Variants in SPTLC2 observed in about 807,000 individuals in gnomAD.
The protein encoded by SPTLC2 is serine palmitoyltransferase long chain base subunit 2.
SPTLC2 carries 21 observed loss-of-function variants against 62.0 expected under a neutral mutation model. The ratio of observed to expected loss-of-function variants is 0.34; its 90% CI spans 0.24 to 0.49. SPTLC2 has a LOEUF of 0.49. SPTLC2 is among the 20% of genes least tolerant of loss of function. SPTLC2 has a pLI of 0.99. For missense variants in SPTLC2, 511 were observed against 713.0 expected, an observed-to-expected ratio of 0.72 and a Z score of 3.23; for synonymous variants, 261 against 261.8, an observed-to-expected ratio of 1.00 and a Z score of 0.03.
chr14:77,576,717 A>AC, intron 4 of SPTLC2, 50 bp downstream of exon 4: 1 of 1,613,742 alleles, frequency 6.2e-7, no homozygotes, highest in Non-Finnish European at 8.5e-7. Context: ...TTTGCCCCTG[A>AC]CTAAAACAAT....
intron 1 of SPTLC2, among the ~76,000 whole-genome samples, chr14:77,603,435 C>A (rs545390103): frequency 2.0e-5 from 3 of 152,312 alleles, no homozygotes; most frequent in Non-Finnish European, 4.4e-5. Flanking sequence ...CTGAAATGTA[C>A]TGGCCTCTCC....
At chr14:77,591,480 T>TA (rs1312265391) in intron 2 of SPTLC2, among the ~76,000 whole-genome samples, 4 of 152,192 alleles carry the variant, frequency 2.6e-5, no homozygotes, top group African/African-American at 9.6e-5. Context: ...ACCTTTATGA[T>TA]ATGTCAATTA....
rs138037589 is a variant in SPTLC2 at position 77,601,706 on chromosome 14, G to A, written c.133-4326C>T. On this transcript the variant is annotated intron_variant, in intron 1 of 11. Transcript: ENST00000216484. ...CAACCAGCCCAAGGAACATCTCACC[G>A]ATTTTAAATCGGGTAAGCGGCCTCT... Among the ~76,000 whole-genome samples, 1,232 of 152,240 alleles carry A rather than the reference G, an allele frequency of 8.1e-3. 21 individuals are homozygous for A. Among genetic ancestry groups the A allele is most frequent in the African/African-American group, 0.028 (1,152 of 41,504 alleles).
chr14:77,515,371 T>C (rs1256241482), intron 11 of SPTLC2, among the ~76,000 whole-genome samples: 1 of 152,144 alleles, frequency 6.6e-6, no homozygotes, highest in Non-Finnish European at 1.5e-5. Flanking sequence ...GATCTGTAGG[T>C]TGCTATACTG....
At chr14:77,600,989 G>T (rs1397233866) in intron 1 of SPTLC2, among the ~76,000 whole-genome samples, 1 of 152,220 alleles carries the variant, frequency 6.6e-6, no homozygotes, top group East Asian at 1.9e-4. Flanking sequence ...TAAGCCATAT[G>T]TGTAATACAT....
intron 4 of SPTLC2, among the ~76,000 whole-genome samples, chr14:77,573,944 T>C (rs1421772054): frequency 6.6e-6 from 1 of 152,036 alleles, no homozygotes; most frequent in East Asian, 1.9e-4. Context: ...AAGACGACAA[T>C]GTTTGACACA....
chr14:77,586,093 T>TTTA (rs2079779849), intron 2 of SPTLC2, among the ~76,000 whole-genome samples: 1 of 141,560 alleles, frequency 7.1e-6, no homozygotes. Context: ...TTTTTTTTTT[T>TTTA]GAGATGGAGT....
chr14:77,552,805 T>TAA (rs58847640), intron 8 of SPTLC2, among the ~76,000 whole-genome samples: 7 of 130,978 alleles, frequency 5.3e-5, no homozygotes, highest in African/African-American at 1.7e-4. Context: ...GACTCCGTCT[T>TAA]AAAAAAAAAA....
chr14:77,532,856 A>T (rs1357148343), intron 9 of SPTLC2, among the ~76,000 whole-genome samples: 1 of 151,968 alleles, frequency 6.6e-6, no homozygotes, highest in Non-Finnish European at 1.5e-5. Flanking sequence ...CTTTTTTTGG[A>T]GGGCTATGGG....
chr14:77,595,046 G>A (rs1325990793), intron 2 of SPTLC2, among the ~76,000 whole-genome samples: 1 of 152,052 alleles, frequency 6.6e-6, no homozygotes, highest in African/African-American at 2.4e-5. Context: ...GACATGCTCA[G>A]GGGGAGAAGG....
chr14:77,564,355 C>T (rs2079632243), intron 5 of SPTLC2, among the ~76,000 whole-genome samples: 1 of 149,108 alleles, frequency 6.7e-6, no homozygotes, highest in Non-Finnish European at 1.5e-5. Context: ...AGACTAGAGC[C>T]GGCAGTATCA....
chr14:77,549,579 T>C (rs1566776615), intron 9 of SPTLC2, among the ~76,000 whole-genome samples: 2 of 152,112 alleles, frequency 1.3e-5, no homozygotes, highest in Non-Finnish European at 2.9e-5. Flanking sequence ...TCTCAGTCTT[T>C]CCAGACACTT....
At chr14:77,551,390 CAAAAAAAAAAA>C (rs11347331) in intron 9 of SPTLC2, among the ~76,000 whole-genome samples, 2 of 61,168 alleles carry the variant, frequency 3.3e-5, no homozygotes, top group East Asian at 6.0e-4. Context: ...GACTCCGTCT[CAAAAAAAAAAA>C]AAAAAAAAAA....
At chr14:77,598,339 A>C (rs2079859484) in intron 1 of SPTLC2, among the ~76,000 whole-genome samples, 1 of 152,192 alleles carries the variant, frequency 6.6e-6, no homozygotes, top group Non-Finnish European at 1.5e-5. Flanking sequence ...ATGCTAGCAT[A>C]ATTTCTTTTG....
chr14:77,587,259 G>A (rs907050458), intron 2 of SPTLC2, among the ~76,000 whole-genome samples: 1 of 151,642 alleles, frequency 6.6e-6, no homozygotes, highest in South Asian at 2.1e-4. Context: ...AAACACAGCC[G>A]GTAGGTGTAC....
chr14:77,600,202 A>G (rs1021790518), intron 1 of SPTLC2, among the ~76,000 whole-genome samples: 12 of 152,234 alleles, frequency 7.9e-5, no homozygotes, highest in African/African-American at 2.9e-4. Flanking sequence ...CATTATGAAG[A>G]ACTGTGTGAT....
chr14:77,599,346 G>C (rs2079865039), intron 1 of SPTLC2, among the ~76,000 whole-genome samples: 1 of 152,128 alleles, frequency 6.6e-6, no homozygotes, highest in African/African-American at 2.4e-5. Flanking sequence ...TGCCCTCTCA[G>C]GCAATCTGAT....
chr14:77,565,886 ACT>A (rs374609829), intron 5 of SPTLC2, among the ~76,000 whole-genome samples: 485 of 152,258 alleles, frequency 3.2e-3, no homozygotes, highest in Middle Eastern at 0.02. Context: ...GTATACAGGA[ACT>A]CTCTGTACTC....
chr14:77,552,033 GA>G (rs1413322377), intron 9 of SPTLC2, 62 bp downstream of exon 9: 16 of 1,601,432 alleles, frequency 1.0e-5, no homozygotes, highest in Non-Finnish European at 1.3e-5. Context: ...AAAAGCTCAA[GA>G]AAAACAGCAC....
Sources: allele counts gnomAD v4.1 joint callset (sites outside exome capture counted in the v4.1 genomes callset), GRCh38; gene constraint gnomAD v4.1.1; transcripts MANE v1.5; gene names NCBI Gene and HGNC (gene_info 2026-07-23, HGNC 2026-07-21).